CDH12: variants seen among roughly 807,000 people sequenced by gnomAD.
CDH12 encodes cadherin-12.
CDH12 carries 41 observed loss-of-function variants against 74.1 expected under a neutral mutation model. The ratio of observed to expected loss-of-function variants is 0.55; its 90% CI spans 0.43 to 0.72. The LOEUF (loss-of-function observed/expected upper bound fraction) is 0.72, where lower values mean the gene tolerates loss of function less well. Ranked by LOEUF, CDH12 falls within the 30% of genes least tolerant of loss-of-function variation. CDH12 has a pLI of 0.00. For synonymous variants in CDH12, 399 were observed against 355.0 expected, an observed-to-expected ratio of 1.12 and a Z score of -1.39; for missense variants, 945 against 977.2, an observed-to-expected ratio of 0.97 and a Z score of 0.44.
intron 5 of CDH12, among the ~76,000 whole-genome samples, chr5:22,056,019 A>G (rs555124779): frequency 6.6e-6 from 1 of 152,234 alleles, no homozygotes; most frequent in South Asian, 2.1e-4. Context: ...TTCTTCTTTG[A>G]AATACAGAAT....
intron 3 of CDH12, among the ~76,000 whole-genome samples, chr5:22,398,548 G>A (rs1029470425): frequency 1.3e-5 from 2 of 152,024 alleles, no homozygotes; most frequent in Non-Finnish European, 2.9e-5. Context: ...ATTTGACATG[G>A]TCTGGACCGC....
chr5:22,797,252 G>T (rs1275653686), intron 1 of CDH12, among the ~76,000 whole-genome samples: 2 of 148,656 alleles, frequency 1.3e-5, no homozygotes, highest in Admixed American at 1.3e-4. Flanking sequence ...AAGACACAGC[G>T]AGAAGACAAC....
chr5:21,822,603 A>T (rs1057204724), intron 8 of CDH12, among the ~76,000 whole-genome samples: 2 of 152,094 alleles, frequency 1.3e-5, no homozygotes, highest in African/African-American at 4.8e-5. Flanking sequence ...CATACTAAAC[A>T]TACAGTGAAT....
intron 1 of CDH12, among the ~76,000 whole-genome samples, chr5:22,738,301 T>G (rs1744847494): frequency 6.6e-6 from 1 of 152,086 alleles, no homozygotes; most frequent in Non-Finnish European, 1.5e-5. Context: ...TTGCTCTAGT[T>G]TTGATCCATT....
intron 1 of CDH12, among the ~76,000 whole-genome samples, chr5:22,755,279 C>T (rs1745832363): frequency 6.6e-6 from 1 of 152,064 alleles, no homozygotes; most frequent in African/African-American, 2.4e-5. Context: ...ACATTCACTA[C>T]TTTTTATTCA....
rs76163970 is a variant in CDH12 at position 22,713,459 on chromosome 5, T to C, written c.-523+139599A>G. ...CCCGGCCGACCTTAGGCTAATTCTT[T>C]AGCCTTCTTGTCTTAGTTTCCTCAT... On this transcript the variant is annotated intron_variant, in intron 1 of 14. Transcript: ENST00000382254. 4.6e-4 allele frequency among the ~76,000 whole-genome samples: 70 copies of C among 152,204 alleles called. No individual in the cohort carries two copies. In the East Asian group the frequency reaches 8.3e-3, roughly 18 times the overall value.
intron 6 of CDH12, among the ~76,000 whole-genome samples, chr5:21,948,671 T>C (rs941549575): frequency 3.3e-5 from 5 of 151,928 alleles, no homozygotes; most frequent in African/African-American, 1.2e-4. Flanking sequence ...TGATGTTGGG[T>C]TGGAAATGTA....
At chr5:22,504,887 T>C (rs897711212) in intron 2 of CDH12, among the ~76,000 whole-genome samples, 1 of 151,934 alleles carries the variant, frequency 6.6e-6, no homozygotes, top group Non-Finnish European at 1.5e-5. Context: ...CCGCTAATTA[T>C]GAGGGACTAG....
intron 6 of CDH12, among the ~76,000 whole-genome samples, chr5:21,880,607 CCTTCCTTCCTTCTTTCTTTCT>C (rs1752244573): frequency 1.4e-5 from 1 of 70,086 alleles, no homozygotes; most frequent in African/African-American, 5.1e-5. Flanking sequence ...TTCCTTCCTT[CCTTCCTTCCTTCTTTCTTTCT>C]TTCTTTCTTT....
At chr5:22,746,872 G>A (rs1233129314) in intron 1 of CDH12, among the ~76,000 whole-genome samples, 4 of 152,250 alleles carry the variant, frequency 2.6e-5, no homozygotes, top group East Asian at 3.9e-4. Context: ...AAAGACAAAA[G>A]TATATAATCA....
At chr5:22,200,206 C>A (rs936304761) in intron 4 of CDH12, among the ~76,000 whole-genome samples, 1 of 151,998 alleles carries the variant, frequency 6.6e-6, no homozygotes, top group African/African-American at 2.4e-5. Context: ...CAAAGTGTAT[C>A]TCTTCAGGAT....
chr5:22,359,828 G>A (rs147196785), intron 3 of CDH12, among the ~76,000 whole-genome samples: 1 of 151,990 alleles, frequency 6.6e-6, no homozygotes, highest in Non-Finnish European at 1.5e-5. Context: ...TCCTGAATGA[G>A]TACTGGGTAC....
At chr5:22,325,739 T>G (rs1322615800) in intron 3 of CDH12, among the ~76,000 whole-genome samples, 2 of 151,830 alleles carry the variant, frequency 1.3e-5, no homozygotes, top group Non-Finnish European at 2.9e-5. Flanking sequence ...ACAAAAAAAA[T>G]CTACTAAAAA....
chr5:22,562,742 A>T (rs1739113449), intron 1 of CDH12, among the ~76,000 whole-genome samples: 1 of 151,798 alleles, frequency 6.6e-6, no homozygotes, highest in South Asian at 2.1e-4. Flanking sequence ...CTAAATATGC[A>T]AACAAAAAAC....
intron 6 of CDH12, among the ~76,000 whole-genome samples, chr5:21,961,997 C>G (rs1756383287): frequency 6.6e-6 from 1 of 152,094 alleles, no homozygotes; most frequent in Admixed American, 6.6e-5. Context: ...TCTTTCTTCA[C>G]CAGTTCAGTG....
intron 11 of CDH12, among the ~76,000 whole-genome samples, chr5:21,781,801 T>C (rs1332757473): frequency 6.6e-6 from 1 of 152,094 alleles, no homozygotes; most frequent in African/African-American, 2.4e-5. Context: ...TTTAAAAATT[T>C]TCCTTTCCTT....
intron 5 of CDH12, among the ~76,000 whole-genome samples, chr5:22,070,307 G>T (rs1741858575): frequency 6.6e-6 from 1 of 152,132 alleles, no homozygotes. Context: ...GTATGACCTT[G>T]TTATTATCTC....
At chr5:22,577,042 A>C (rs1046459887) in intron 1 of CDH12, among the ~76,000 whole-genome samples, 1 of 152,198 alleles carries the variant, frequency 6.6e-6, no homozygotes, top group African/African-American at 2.4e-5. Context: ...TGGCATTAAA[A>C]CATGGAACAT....
chr5:22,513,060 C>T (rs1736676791), intron 1 of CDH12, among the ~76,000 whole-genome samples: 1 of 152,130 alleles, frequency 6.6e-6, no homozygotes, highest in African/African-American at 2.4e-5. Flanking sequence ...AATAATAATC[C>T]CAAGATCCCT....
Sources: allele counts gnomAD v4.1 joint callset (sites outside exome capture counted in the v4.1 genomes callset), GRCh38; gene constraint gnomAD v4.1.1; transcripts MANE v1.5; gene names NCBI Gene and HGNC (gene_info 2026-07-23, HGNC 2026-07-21).